The following PLXDC2 variants were observed in gnomAD, a reference collection of about 807,000 sequenced individuals.
The protein encoded by PLXDC2 is plexin domain containing 2.
A neutral mutation model predicts 68.9 loss-of-function variants in PLXDC2; 40 were observed. That is an observed-to-expected ratio of 0.58 (90% CI 0.45 to 0.76). The LOEUF (loss-of-function observed/expected upper bound fraction) is 0.76, where lower values mean the gene tolerates loss of function less well. Ranked by LOEUF, PLXDC2 falls within the 30% of genes least tolerant of loss-of-function variation. PLXDC2 has a pLI of 0.00. For missense variants in PLXDC2, 644 were observed against 661.9 expected (o/e 0.97, Z 0.30); for synonymous variants, 243 against 234.2 (o/e 1.04, Z -0.34).
intron 1 of PLXDC2, among the ~76,000 whole-genome samples, chr10:19,838,272 C>T (rs1402898535): frequency 1.3e-5 from 2 of 152,144 alleles, no homozygotes; most frequent in Non-Finnish European, 2.9e-5. Context: ...TAATATATAA[C>T]TTTAAAAAAT....
chr10:19,919,794 A>G (rs1833428852), intron 1 of PLXDC2, among the ~76,000 whole-genome samples: 1 of 152,184 alleles, frequency 6.6e-6, no homozygotes, highest in Non-Finnish European at 1.5e-5. Context: ...ATTCCATTCT[A>G]GACACAACAC....
chr10:19,892,302 C>T (rs1837979383), intron 1 of PLXDC2, among the ~76,000 whole-genome samples: 1 of 152,130 alleles, frequency 6.6e-6, no homozygotes, highest in South Asian at 2.1e-4. Context: ...GCATGGTGGA[C>T]TTGAAGGACC....
At chr10:20,059,107 C>A (rs1836053899) in intron 3 of PLXDC2, among the ~76,000 whole-genome samples, 1 of 152,150 alleles carries the variant, frequency 6.6e-6, no homozygotes, top group Non-Finnish European at 1.5e-5. Context: ...CTAGGTGATT[C>A]ATTTGCACCT....
chr10:20,169,231 T>C (rs1396364736), intron 7 of PLXDC2, among the ~76,000 whole-genome samples: 1 of 152,168 alleles, frequency 6.6e-6, no homozygotes, highest in African/African-American at 2.4e-5. Flanking sequence ...TGAATGTATT[T>C]TGACAAATTG....
chr10:19,966,391 T>TCTAAA (rs1834255463), intron 1 of PLXDC2, among the ~76,000 whole-genome samples: 1 of 147,472 alleles, frequency 6.8e-6, no homozygotes. Flanking sequence ...TGTGCACATA[T>TCTAAA]ATAAAATATA....
chr10:19,874,917 T>C (rs1438889308), intron 1 of PLXDC2, among the ~76,000 whole-genome samples: 1 of 152,116 alleles, frequency 6.6e-6, no homozygotes, highest in Non-Finnish European at 1.5e-5. Flanking sequence ...TTCGAGGTTC[T>C]TGTGCAAGGC....
intron 1 of PLXDC2, among the ~76,000 whole-genome samples, chr10:19,831,922 T>C (rs1348172390): frequency 3.3e-5 from 5 of 152,228 alleles, no homozygotes; most frequent in Non-Finnish European, 7.3e-5. Flanking sequence ...GAATGATTTA[T>C]GTTTTTGACC....
chr10:20,245,615 C>T (rs748051844), intron 13 of PLXDC2, 110 bp downstream of exon 13: 22 of 1,291,214 alleles, frequency 1.7e-5, no homozygotes, highest in South Asian at 1.5e-4. Context: ...TTTTTCAGTT[C>T]AAGCTTTCTG....
At chr10:19,850,570 T>C (rs1488788874) in intron 1 of PLXDC2, among the ~76,000 whole-genome samples, 1 of 152,176 alleles carries the variant, frequency 6.6e-6, no homozygotes, top group Non-Finnish European at 1.5e-5. Flanking sequence ...CAACTAATCG[T>C]CTAATTGGTT....
chr10:20,077,725 A>G (rs58644868), intron 4 of PLXDC2, among the ~76,000 whole-genome samples: 1 of 152,234 alleles, frequency 6.6e-6, no homozygotes, highest in Admixed American at 6.5e-5. Flanking sequence ...AGATGACTCC[A>G]GAAAAATATA....
At chr10:20,072,519 G>GA (rs752454528) in intron 4 of PLXDC2, among the ~76,000 whole-genome samples, 1 of 100,148 alleles carries the variant, frequency 1.0e-5, no homozygotes, top group Non-Finnish European at 1.7e-5. Flanking sequence ...AAGAAAGAAA[G>GA]AAAGAAAGAA....
intron 1 of PLXDC2, among the ~76,000 whole-genome samples, chr10:19,958,071 G>T (rs1564639196): frequency 6.6e-6 from 1 of 151,808 alleles, no homozygotes; most frequent in Admixed American, 6.6e-5. Flanking sequence ...TTAACTTGTT[G>T]TTCATTGCAT....
intron 9 of PLXDC2, among the ~76,000 whole-genome samples, chr10:20,194,997 A>T (rs1834818724): frequency 6.6e-6 from 1 of 151,990 alleles, no homozygotes; most frequent in Non-Finnish European, 1.5e-5. Flanking sequence ...CATAGTGCTT[A>T]CCTGAAAGAT....
intron 1 of PLXDC2, among the ~76,000 whole-genome samples, chr10:19,974,544 T>C (rs55831604): frequency 0.015 from 2,235 of 152,302 alleles, 31 homozygotes; most frequent in South Asian, 0.043. Flanking sequence ...AGTCAAGAAT[T>C]ATCTTGTATG....
At chr10:20,015,812 C>G (rs1434348132) in intron 2 of PLXDC2, among the ~76,000 whole-genome samples, 1 of 152,186 alleles carries the variant, frequency 6.6e-6, no homozygotes, top group African/African-American at 2.4e-5. Flanking sequence ...CCTTCCAATA[C>G]AAGCACATAA....
intron 4 of PLXDC2, among the ~76,000 whole-genome samples, chr10:20,120,199 G>A (rs574737277): frequency 1.4e-4 from 21 of 152,272 alleles, no homozygotes; most frequent in African/African-American, 4.6e-4. Flanking sequence ...GTCTAAGTTG[G>A]TCTGGTGTCT....
rs539012989 is a variant in PLXDC2 at position 20,280,068 on chromosome 10, C to T, written c.*249C>T. The T allele has an allele frequency of 1.7e-4, 72 of 413,060 alleles. No individual in the cohort carries two copies. Among genetic ancestry groups the T allele is most frequent in the African/African-American group, 1.2e-3 (61 of 49,382 alleles). The allele number at this position is 413,060 out of a possible 1,614,324, so 25.6% of individuals were successfully genotyped here. A position where few individuals can be genotyped will look rare whatever the true frequency, so the allele number is the denominator to read the frequency against. On this transcript the variant is annotated 3_prime_UTR_variant, in exon 14 of 14. Transcript: ENST00000377252. The stretch of plus-strand genomic sequence containing the variant: ...AGTGGAATGTCATCTATAGTTCACT[C>T]GGAACATCTCCCGTGGACTTATCTG...
At chr10:19,865,605 A>G (rs1488314924) in intron 1 of PLXDC2, among the ~76,000 whole-genome samples, 1 of 152,198 alleles carries the variant, frequency 6.6e-6, no homozygotes, top group African/African-American at 2.4e-5. Flanking sequence ...AAACGTCGAA[A>G]GTACCTCCAA....
At chr10:19,824,759 T>TCCCC (rs1471447753) in intron 1 of PLXDC2, among the ~76,000 whole-genome samples, 1 of 152,260 alleles carries the variant, frequency 6.6e-6, no homozygotes, top group Non-Finnish European at 1.5e-5. Flanking sequence ...GAATATAAAA[T>TCCCC]ATTCCACATG....
Sources: gnomAD v4.1 joint callset for allele counts (sites outside exome capture counted in the v4.1 genomes callset) on GRCh38, gnomAD v4.1.1 for gene constraint, MANE v1.5 for transcripts, NCBI Gene and HGNC (gene_info 2026-07-23, HGNC 2026-07-21) for gene names.